Variants in GPR39 observed in about 807,000 individuals in gnomAD.
GPR39 encodes the protein G protein-coupled receptor 39.
Under a neutral mutation model 18.4 loss-of-function variants are expected in GPR39, and 23 were observed. The ratio of observed to expected loss-of-function variants is 1.25; its 90% CI spans 0.90 to 1.77. The LOEUF (loss-of-function observed/expected upper bound fraction) is 1.77. Among genes scored for constraint, GPR39 ranks in the 40% most tolerant of loss-of-function variants. The pLI is 0.00. For synonymous variants in GPR39, 280 were observed against 257.9 expected (o/e 1.09, Z -0.82); for missense variants, 647 against 602.4 (o/e 1.07, Z -0.78).
rs1209507266 is a variant in GPR39, at chr2:132,645,965, A to G, written c.*359A>G. 9.2e-7 allele frequency: 1 copy of G among 1,083,002 alleles called. No individual in the cohort carries two copies. The highest frequency in any genetic ancestry group is 1.6e-5 in the African/African-American group (1 of 62,594). 67.1% of individuals were successfully genotyped at this position (1,083,002 alleles called of 1,614,324 possible). On this transcript the variant is annotated 3_prime_UTR_variant, in exon 2 of 2. Transcript: ENST00000329321. ...TACCCAGAATAAAAGGACACCCAGAAGAAACTCACTCAGGGAGGTGGGGGG... is the reference window on the plus strand; with the variant it reads ...TACCCAGAATAAAAGGACACCCAGAGGAAACTCACTCAGGGAGGTGGGGGG...
intron 1 of GPR39, among the ~76,000 whole-genome samples, chr2:132,507,455 T>C (rs1679155515): frequency 6.6e-6 from 1 of 152,220 alleles, no homozygotes; most frequent in African/African-American, 2.4e-5. Context: ...ATTTCACTTG[T>C]GTTTTCTTCC....
intron 1 of GPR39, among the ~76,000 whole-genome samples, chr2:132,457,928 A>T (rs1680761099): frequency 3.3e-5 from 5 of 152,350 alleles, no homozygotes; most frequent in Admixed American, 2.6e-4. Flanking sequence ...TGGGTGTGGG[A>T]CCTGCTGAGC....
At chr2:132,577,497 A>G (rs1680550403) in intron 1 of GPR39, among the ~76,000 whole-genome samples, 1 of 152,056 alleles carries the variant, frequency 6.6e-6, no homozygotes, top group Non-Finnish European at 1.5e-5. Flanking sequence ...TGACAGCTGT[A>G]CTATATTGAG....
At chr2:132,544,849 G>T (rs898661961) in intron 1 of GPR39, among the ~76,000 whole-genome samples, 2 of 152,164 alleles carry the variant, frequency 1.3e-5, no homozygotes, top group Admixed American at 1.3e-4. Flanking sequence ...GGGCTTTTAT[G>T]GGCTCAGAAT....
At chr2:132,425,120 C>T (rs980530590) in intron 1 of GPR39, among the ~76,000 whole-genome samples, 3 of 152,200 alleles carry the variant, frequency 2.0e-5, no homozygotes, top group African/African-American at 7.2e-5. Flanking sequence ...ACTCATATAT[C>T]TCCCATGACA....
intron 1 of GPR39, among the ~76,000 whole-genome samples, chr2:132,432,100 G>A (rs1309177939): frequency 6.6e-6 from 1 of 152,256 alleles, no homozygotes; most frequent in Middle Eastern, 3.4e-3. Context: ...CTTCTTGTTT[G>A]TCTTGCTCCA....
At chr2:132,509,324 C>G (rs1679196077) in intron 1 of GPR39, among the ~76,000 whole-genome samples, 1 of 152,092 alleles carries the variant, frequency 6.6e-6, no homozygotes. Context: ...ATGCACAGAG[C>G]AGGACAAAAT....
intron 1 of GPR39, among the ~76,000 whole-genome samples, chr2:132,591,257 C>CAAA (rs747314988): frequency 8.1e-4 from 20 of 24,574 alleles, no homozygotes; most frequent in African/African-American, 2.3e-3. Context: ...GACTCCGTCT[C>CAAA]AAAAAAAAAA....
At chr2:132,634,822 G>A (rs1681719234) in intron 1 of GPR39, among the ~76,000 whole-genome samples, 1 of 152,164 alleles carries the variant, frequency 6.6e-6, no homozygotes, top group Admixed American at 6.5e-5. Flanking sequence ...GGTAAACAGG[G>A]TTTTCTGTGT....
chr2:132,478,542 C>G (rs1361563406), intron 1 of GPR39, among the ~76,000 whole-genome samples: 1 of 152,156 alleles, frequency 6.6e-6, no homozygotes, highest in African/African-American at 2.4e-5. Context: ...TACTACGTAA[C>G]AAGAAAAGCT....
chr2:132,520,422 G>T (rs1679400816), intron 1 of GPR39, among the ~76,000 whole-genome samples: 1 of 152,206 alleles, frequency 6.6e-6, no homozygotes, highest in African/African-American at 2.4e-5. Context: ...TCTGCTGGTG[G>T]ACTGGCCAGA....
At chr2:132,550,374 C>G (rs1680021844) in intron 1 of GPR39, among the ~76,000 whole-genome samples, 1 of 152,314 alleles carries the variant, frequency 6.6e-6, no homozygotes, top group South Asian at 2.1e-4. Context: ...CAAGGAACAG[C>G]GCGATACAAC....
chr2:132,448,547 C>A (rs191384504), intron 1 of GPR39, among the ~76,000 whole-genome samples: 1 of 152,204 alleles, frequency 6.6e-6, no homozygotes, highest in African/African-American at 2.4e-5. Context: ...GCTTCCTTAA[C>A]GGCTTTCTTA....
At chr2:132,520,683 G>A (rs1450106544) in intron 1 of GPR39, among the ~76,000 whole-genome samples, 1 of 152,254 alleles carries the variant, frequency 6.6e-6, no homozygotes, top group Non-Finnish European at 1.5e-5. Flanking sequence ...GACCCCACCA[G>A]CAATGCAGTG....
intron 1 of GPR39, 92 bp from the exon 2 acceptor site, chr2:132,645,009 G>T (rs1194750682): frequency 4.2e-6 from 6 of 1,422,198 alleles, no homozygotes; most frequent in East Asian, 2.3e-5. Flanking sequence ...CAGAACAGAG[G>T]GGCTAAATAT....
chr2:132,499,595 AGTTAAGAATGATGGTG>A (rs1181372523), intron 1 of GPR39, among the ~76,000 whole-genome samples: 1 of 151,866 alleles, frequency 6.6e-6, no homozygotes, highest in Non-Finnish European at 1.5e-5. Context: ...TGTTTTTCCT[AGTTAAGAATGATGGTG>A]GTATTTTGAT....
At chr2:132,417,999 A>AGGC in intron 1 of GPR39, 101 bp downstream of exon 1, 5 of 1,415,850 alleles carry the variant, frequency 3.5e-6, no homozygotes, top group Non-Finnish European at 4.7e-6. Context: ...CTTGCCCTAG[A>AGGC]ATTGCACACT....
chr2:132,562,793 C>T (rs1449470979), intron 1 of GPR39, among the ~76,000 whole-genome samples: 2 of 152,076 alleles, frequency 1.3e-5, no homozygotes, highest in East Asian at 3.9e-4. Context: ...TGAAGGTATC[C>T]ACCTCTTCCT....
intron 1 of GPR39, among the ~76,000 whole-genome samples, chr2:132,597,679 C>G (rs1680970247): frequency 6.6e-6 from 1 of 152,170 alleles, no homozygotes; most frequent in Non-Finnish European, 1.5e-5. Context: ...GGCATGTAGT[C>G]TCACCATTGT....
Sources: allele counts gnomAD v4.1 joint callset (sites outside exome capture counted in the v4.1 genomes callset), GRCh38; gene constraint gnomAD v4.1.1; transcripts MANE v1.5; gene names NCBI Gene and HGNC (gene_info 2026-07-23, HGNC 2026-07-21).